The following MAP3K4 variants were observed in gnomAD, a reference collection of about 807,000 sequenced individuals.
The protein encoded by MAP3K4 is mitogen-activated protein kinase kinase kinase 4.
MAP3K4 carries 67 observed loss-of-function variants against 185.6 expected under a neutral mutation model. The ratio of observed to expected loss-of-function variants is 0.36; its 90% confidence interval spans 0.30 to 0.44. The LOEUF (loss-of-function observed/expected upper bound fraction) is 0.44, where lower values mean the gene tolerates loss of function less well. Ranked by LOEUF, MAP3K4 falls within the 20% of genes least tolerant of loss-of-function variation. The pLI is 1.00. For synonymous variants in MAP3K4, 702 were observed against 710.4 expected (o/e 0.99, Z 0.19); for missense variants, 1,551 against 1,995.1 (o/e 0.78, Z 4.24).
In MAP3K4 at chr6:161,115,766, A is replaced by AG. The variant is rs932618391; in HGVS notation, c.4806+469dup. On this transcript the variant is annotated intron_variant, in intron 26 of 26. Coordinates refer to ENST00000392142, the MANE Select transcript of MAP3K4 (RefSeq NM_005922.4). The surrounding 1 kb of genome is among the most constrained non-coding windows in gnomAD (Gnocchi z 6.0). The stretch of plus-strand genomic sequence containing the variant: ...GCCACAGCCAGGTCAGAAGTGGGGG[A>AG]GGGGGCATGGAAGACAAAGTAAAGA... Among the ~76,000 whole-genome samples the AG allele has an allele frequency of 6.6e-6, 1 of 151,950 alleles. No homozygotes were observed. Among genetic ancestry groups the AG allele is most frequent in the Non-Finnish European group, 1.5e-5 (1 of 67,988 alleles).
rs1784862661 is a variant in MAP3K4 at position 161,069,893 on chromosome 6, G to A, written c.1708-715G>A. ...TTGGGGAGCCAGGGAGGAGTGACCAGGAGCAGAGAGAGTGCTCCCAACATT... is the reference window on the plus strand; with the variant it reads ...TTGGGGAGCCAGGGAGGAGTGACCAAGAGCAGAGAGAGTGCTCCCAACATT... On this transcript the variant is annotated intron_variant, in intron 3 of 26. Coordinates refer to ENST00000392142, the MANE Select transcript of MAP3K4 (RefSeq NM_005922.4). Among the ~76,000 whole-genome samples, 3 of 152,028 alleles carry A rather than the reference G, an allele frequency of 2.0e-5. No individual in the cohort carries two copies. The South Asian group carries it at 6.2e-4, about 32-fold the overall frequency.
chr6:161,111,435 C>T (rs895836658), intron 23 of MAP3K4, among the ~76,000 whole-genome samples: 5 of 152,340 alleles, frequency 3.3e-5, no homozygotes, highest in South Asian at 4.1e-4. Flanking sequence ...AACTGCAGTG[C>T]GTGTGCAGCT....
chr6:161,116,909 A>C lies in MAP3K4; in HGVS notation c.*39A>C. Reference sequence around the variant, plus strand: ...ATGGACTTGGAAAATTCTCTTAATCACTACTGTATGTAATATTTACATAAA... The same window carrying C: ...ATGGACTTGGAAAATTCTCTTAATCCCTACTGTATGTAATATTTACATAAA... On this transcript the variant is annotated 3_prime_UTR_variant, in exon 27 of 27. Transcript: ENST00000392142. This position sits in a 1 kb window ranked among gnomAD's most constrained non-coding sequence, Gnocchi z 6.2. The C allele has an allele frequency of 2.5e-6, 4 of 1,577,480 alleles. No homozygotes were observed. Among genetic ancestry groups the C allele is most frequent in the Non-Finnish European group, 3.5e-6 (4 of 1,146,518 alleles).
At position 161,070,471 on chromosome 6, in the gene MAP3K4, A is replaced by T; in HGVS notation, c.1708-137A>T. 1 of 588,090 alleles carries T rather than the reference A, an allele frequency of 1.7e-6. No individual in the cohort carries two copies. Among genetic ancestry groups the T allele is most frequent in the Non-Finnish European group, 2.8e-6 (1 of 362,064 alleles). 36.4% of individuals were successfully genotyped at this position (588,090 alleles called of 1,614,324 possible). On this transcript the variant is annotated intron_variant, in intron 3 of 26. Coordinates refer to ENST00000392142, the MANE Select transcript of MAP3K4 (RefSeq NM_005922.4). The surrounding 1 kb of genome is among the most constrained non-coding windows in gnomAD (Gnocchi z 4.5). ...AAGTTATTAAATTCATTAAATTATTAAATATTCTTTTCCCTGTAAAATTAG... is the reference window on the plus strand; with the variant it reads ...AAGTTATTAAATTCATTAAATTATTTAATATTCTTTTCCCTGTAAAATTAG...
chr6:161,038,551 G>T (rs1206812771), intron 2 of MAP3K4, among the ~76,000 whole-genome samples: 7 of 152,184 alleles, frequency 4.6e-5, no homozygotes, highest in Non-Finnish European at 8.8e-5. Flanking sequence ...GTCAGAGTTG[G>T]ACTCATCTTT....
At position 161,101,340 on chromosome 6, in the gene MAP3K4, T is replaced by A. The variant is rs536729889; in HGVS notation, c.3675-552T>A. The A allele has an allele frequency of 3.3e-5, 5 of 152,292 alleles. No individual in the cohort carries two copies. Among genetic ancestry groups the A allele is most frequent in the Non-Finnish European group, 4.4e-5 (3 of 68,034 alleles). The allele number at this position is 152,292 out of a possible 1,614,324, so 9.4% of individuals were successfully genotyped here. ...CCCTTCCATTTTCTTACTGAGAGATTTGGAATCTTTTGGACCATGAAATGA... is the reference window on the plus strand; with the variant it reads ...CCCTTCCATTTTCTTACTGAGAGATATGGAATCTTTTGGACCATGAAATGA... On this transcript the variant is annotated intron_variant, in intron 17 of 26. Coordinates refer to ENST00000392142, the MANE Select transcript of MAP3K4 (RefSeq NM_005922.4). This position sits in a 1 kb window ranked among gnomAD's most constrained non-coding sequence, Gnocchi z 5.1.
In MAP3K4 at chr6:161,090,281, C is replaced by T. The variant is rs576138962; in HGVS notation, c.2973+810C>T. ...GCCTGATGGAGACCTTGTGTGCACTCGTGTGTAAGGGTGGGTAGAGAGAGA... is the reference window on the plus strand; with the variant it reads ...GCCTGATGGAGACCTTGTGTGCACTTGTGTGTAAGGGTGGGTAGAGAGAGA... On this transcript the variant is annotated intron_variant, in intron 11 of 26. Transcript: ENST00000392142. Among the ~76,000 whole-genome samples the T allele has an allele frequency of 1.6e-4, 25 of 152,268 alleles. No individual in the cohort carries two copies. The East Asian group carries it at 2.7e-3, about 16-fold the overall frequency.
intron 1 of MAP3K4, chr6:160,992,341 T>A (rs566267536): frequency 2.0e-6 from 1 of 503,960 alleles, no homozygotes; most frequent in Non-Finnish European, 3.4e-6. Flanking sequence ...CCTTGTAGAC[T>A]CCCCCAGCTC....
intron 1 of MAP3K4, among the ~76,000 whole-genome samples, chr6:161,012,906 C>A (rs1352387254): frequency 1.3e-5 from 2 of 151,998 alleles, no homozygotes; most frequent in African/African-American, 4.8e-5. Context: ...TAAAAATGGT[C>A]CCATCATATT....
chr6:161,046,382 T>G (rs1233308587), intron 2 of MAP3K4, among the ~76,000 whole-genome samples: 1 of 152,058 alleles, frequency 6.6e-6, no homozygotes, highest in Non-Finnish European at 1.5e-5. Context: ...TTTATATAAA[T>G]AAGAGTTGAT....
In MAP3K4 at chr6:161,101,698, C is replaced by G. The variant is rs1777846729; in HGVS notation, c.3675-194C>G. The G allele has an allele frequency of 1.8e-6, 1 of 549,942 alleles. No homozygotes were observed. Among genetic ancestry groups the G allele is most frequent in the African/African-American group, 1.9e-5 (1 of 52,478 alleles). The allele number at this position is 549,942 out of a possible 1,614,324, so 34.1% of individuals were successfully genotyped here. On this transcript the variant is annotated intron_variant, in intron 17 of 26. Coordinates refer to ENST00000392142, the MANE Select transcript of MAP3K4 (RefSeq NM_005922.4). This position sits in a 1 kb window ranked among gnomAD's most constrained non-coding sequence, Gnocchi z 5.1. ...GGGGGCTGATTCTGGTGGGTCTGTC[C>G]TGTGCGTTTTCCGCTGCCCACTAGA...
At position 161,049,439 on chromosome 6, in the gene MAP3K4, G is replaced by C; in HGVS notation, c.1167G>C (p.Arg389Ser). Residue 389 changes from arginine (R) to serine (S), a missense_variant, in exon 3 of 27, where the codon AGG becomes AGC. Physicochemically the swap from Arg to Ser is moderately radical, Grantham distance 110 (BLOSUM62 -1). Transcript: ENST00000392142. This position sits in a 1 kb window ranked among gnomAD's most constrained non-coding sequence, Gnocchi z 8.4. ...ATGCTGCAAAAGACTTCCAGGACAGGGTGCAGGCACTCTGTTTGTGGTTAA... is the reference window on the plus strand; with the variant it reads ...ATGCTGCAAAAGACTTCCAGGACAGCGTGCAGGCACTCTGTTTGTGGTTAA... The part of the protein sequence containing the change: ...EKYAAKDFQD[R>S]VQALCLWLNI... The C allele has an allele frequency of 6.2e-7, 1 of 1,613,102 alleles. No individual in the cohort carries two copies. The highest frequency in any genetic ancestry group is 1.1e-5 in the South Asian group (1 of 91,054).
rs1228974565 is a variant in MAP3K4 at position 161,007,061 on chromosome 6, T to TA, written c.152+14979dup. Among the ~76,000 whole-genome samples, 1 of 152,190 alleles carries TA rather than the reference T, an allele frequency of 6.6e-6. No individual in the cohort carries two copies. Among genetic ancestry groups the TA allele is most frequent in the African/African-American group, 2.4e-5 (1 of 41,454 alleles). On this transcript the variant is annotated intron_variant, in intron 1 of 26. Transcript: ENST00000392142. This position sits in a 1 kb window ranked among gnomAD's most constrained non-coding sequence, Gnocchi z 4.5. ...AATCTCAGAGTAAAAATCAGTTCCT[T>TA]ACTGTGCTGCAGATGAGCAAGGTCC... is the stretch of plus-strand genomic sequence containing the variant.
chr6:161,045,291 T>C (rs1783677139), intron 2 of MAP3K4, among the ~76,000 whole-genome samples: 1 of 152,216 alleles, frequency 6.6e-6, no homozygotes, highest in African/African-American at 2.4e-5. Flanking sequence ...TCCTTAAACC[T>C]ACTATGTAGG....
rs973368141 is a variant in MAP3K4, at chr6:161,091,907, T to C, written c.3136-103T>C. 3.1e-6 allele frequency: 3 copies of C among 961,056 alleles called. No individual in the cohort carries two copies. The highest frequency in any genetic ancestry group is 3.3e-5 in the African/African-American group (2 of 61,200). The allele number at this position is 961,056 out of a possible 1,614,324, so 59.5% of individuals were successfully genotyped here. On this transcript the variant is annotated intron_variant, in intron 12 of 26. Transcript: ENST00000392142. This position sits in a 1 kb window ranked among gnomAD's most constrained non-coding sequence, Gnocchi z 5.5. ...AAAATATAGAAATTTTAATTGGATTTCACTTTTTGTTTTTAGAAAACATTT... is the reference window on the plus strand; with the variant it reads ...AAAATATAGAAATTTTAATTGGATTCCACTTTTTGTTTTTAGAAAACATTT...
Position 161,034,983 on chromosome 6 carries a change from T to C in MAP3K4, c.343+534T>C, listed in dbSNP as rs1783097422. ...TGACAGAACCTGCTTTCTACTTTTCTCTTTATTTAGGATCGTAAAGTCCAC... is the reference window on the plus strand; with the variant it reads ...TGACAGAACCTGCTTTCTACTTTTCCCTTTATTTAGGATCGTAAAGTCCAC... On this transcript the variant is annotated intron_variant, in intron 2 of 26. Transcript: ENST00000392142. This position sits in a 1 kb window ranked among gnomAD's most constrained non-coding sequence, Gnocchi z 4.4. 6.6e-6 allele frequency among the ~76,000 whole-genome samples: 1 copy of C among 152,156 alleles called. No homozygotes were observed. Among genetic ancestry groups the C allele is most frequent in the Admixed American group, 6.5e-5 (1 of 15,272 alleles).
intron 1 of MAP3K4, among the ~76,000 whole-genome samples, chr6:161,015,318 G>A (rs960328650): frequency 2.0e-5 from 3 of 151,724 alleles, no homozygotes; most frequent in East Asian, 1.9e-4. Context: ...ATGGTGGGGG[G>A]AGGGAGAGCA....
Position 161,115,540 on chromosome 6 carries a change from T to G in MAP3K4, c.4806+238T>G, listed in dbSNP as rs1473497775. ...TTAAGATACACCAGAGACAGTAAAA[T>G]GGACTTTTAGATGGGACTGGATGAA... is the stretch of plus-strand genomic sequence containing the variant. On this transcript the variant is annotated intron_variant, in intron 26 of 26. Coordinates refer to ENST00000392142, the MANE Select transcript of MAP3K4 (RefSeq NM_005922.4). This position sits in a 1 kb window ranked among gnomAD's most constrained non-coding sequence, Gnocchi z 6.0. 6.6e-6 allele frequency among the ~76,000 whole-genome samples: 1 copy of G among 152,182 alleles called. No homozygotes were observed. Among genetic ancestry groups the G allele is most frequent in the Non-Finnish European group, 1.5e-5 (1 of 68,030 alleles).
Position 161,097,774 on chromosome 6 carries a change from G to GT in MAP3K4, c.3525-498dup, listed in dbSNP as rs1471855620. Reference sequence around the variant, plus strand: ...CAATATTTGCTAGATAAGGACCACAGTTTTTTGTTTTTTTTTTAAAGCTTT... The same window carrying GT: ...CAATATTTGCTAGATAAGGACCACAGTTTTTTTGTTTTTTTTTTAAAGCTTT... On this transcript the variant is annotated intron_variant, in intron 16 of 26. Coordinates refer to ENST00000392142, the MANE Select transcript of MAP3K4 (RefSeq NM_005922.4). This position sits in a 1 kb window ranked among gnomAD's most constrained non-coding sequence, Gnocchi z 4.9. Among the ~76,000 whole-genome samples, 7 of 71,352 alleles carry GT rather than the reference G, an allele frequency of 9.8e-5. No individual in the cohort carries two copies. In the East Asian group the frequency reaches 0.01, roughly 103 times the overall value. 46.8% of individuals were successfully genotyped at this position (71,352 alleles called of 152,430 possible). A position where few individuals can be genotyped will look rare whatever the true frequency, so the allele number is the denominator to read the frequency against.
Sources: allele counts gnomAD v4.1 joint callset (sites outside exome capture counted in the v4.1 genomes callset), GRCh38; gene constraint gnomAD v4.1.1; non-coding constraint Gnocchi (gnomAD v3.1); transcripts MANE v1.5; gene names NCBI Gene and HGNC (gene_info 2026-07-23, HGNC 2026-07-21).